Variants in KTN1 observed in about 807,000 individuals in gnomAD.
KTN1 encodes kinectin.
KTN1 carries 130 observed loss-of-function variants against 222.5 expected under a neutral mutation model. The ratio of observed to expected loss-of-function variants is 0.58; its 90% CI spans 0.51 to 0.68. The LOEUF is 0.68. Among genes scored for constraint, KTN1 ranks in the 30% least tolerant of loss-of-function variants. The pLI, the probability that KTN1 is intolerant of heterozygous loss-of-function variation, is 0.00. For missense variants in KTN1, 1,508 were observed against 1,500.4 expected (o/e 1.01, Z -0.08); for synonymous variants, 512 against 496.3 (o/e 1.03, Z -0.42).
intron 1 of KTN1, chr14:55,601,825 C>T (rs1289790743): frequency 6.6e-6 from 1 of 152,092 alleles, no homozygotes; most frequent in African/African-American, 2.4e-5. Context: ...AACCCTTTGC[C>T]TCCTGGGTTC....
In KTN1 at chr14:55,680,754, T is replaced by C. The variant is rs974024414; in HGVS notation, c.4069+1069T>C. 2.5e-4 allele frequency: 332 copies of C among 1,311,010 alleles called. 5 individuals carry two copies. Among genetic ancestry groups the C allele is most frequent in the Non-Finnish European group, 2.4e-5 (23 of 970,234 alleles). 81.2% of individuals were successfully genotyped at this position (1,311,010 alleles called of 1,614,324 possible). The stretch of plus-strand genomic sequence containing the variant: ...AATGCTAATTCAGGTCAGTTATCTC[T>C]AACATGACTTTCCATATAATAAGCC... On this transcript the variant is annotated intron_variant, in intron 43 of 43. Coordinates refer to ENST00000395314, the MANE Select transcript of KTN1 (RefSeq NM_001079521.2).
At chr14:55,603,564 A>G (rs191895781) in intron 1 of KTN1, among the ~76,000 whole-genome samples, 14 of 152,256 alleles carry the variant, frequency 9.2e-5, no homozygotes. Flanking sequence ...GTCTCCCTTG[A>G]GAGTTCTTCA....
rs574032931 is a variant in KTN1, at chr14:55,638,976, A to G, written c.1786-209A>G. ...CTTGTTTTATTCTAAATGTCTTGTG[A>G]TATGTAATTCGTGACTACTGGCTGT... On this transcript the variant is annotated intron_variant, in intron 12 of 43. Transcript: ENST00000395314. 9.9e-5 allele frequency among the ~76,000 whole-genome samples: 15 copies of G among 151,854 alleles called. No individual in the cohort carries two copies. In the East Asian group the frequency reaches 2.7e-3, roughly 27 times the overall value.
At chr14:55,647,830 G>A (rs2042541204) in intron 19 of KTN1, among the ~76,000 whole-genome samples, 195 bp from the exon 20 acceptor site, 1 of 151,388 alleles carries the variant, frequency 6.6e-6, no homozygotes, top group Non-Finnish European at 1.5e-5. Context: ...TGTAGTCCCA[G>A]CTACTCGGGA....
At chr14:55,643,019 C>A (rs551758607) in intron 18 of KTN1, among the ~76,000 whole-genome samples, 1 of 151,986 alleles carries the variant, frequency 6.6e-6, no homozygotes, top group African/African-American at 2.4e-5. Flanking sequence ...AAGCCATTCT[C>A]GTGCCTCAGT....
intron 33 of KTN1, among the ~76,000 whole-genome samples, chr14:55,665,285 C>T (rs553027243): frequency 1.3e-3 from 191 of 152,034 alleles, no homozygotes; most frequent in African/African-American, 4.4e-3. Context: ...TAAGAGCCAC[C>T]TTTTTGGTTT....
In KTN1 at chr14:55,673,022, A is replaced by G; in HGVS notation, c.3687+10A>G. 6.2e-7 allele frequency: 1 copy of G among 1,600,354 alleles called. No homozygotes were observed. On this transcript the variant is annotated intron_variant, in intron 39 of 43. Transcript: ENST00000395314. ...TACAGAAGTCAGAGAGGTACTTACA[A>G]CAGAATCTTTTCAAACTTGCTTCTC...
intron 1 of KTN1, among the ~76,000 whole-genome samples, chr14:55,611,364 AGTG>A (rs1171279918): frequency 2.0e-5 from 3 of 151,374 alleles, no homozygotes; most frequent in East Asian, 1.9e-4. Flanking sequence ...AGCCTCCTAA[AGTG>A]GTGGGATTCA....
At chr14:55,677,723 A>G (rs1049006448) in intron 41 of KTN1, among the ~76,000 whole-genome samples, 5 of 151,770 alleles carry the variant, frequency 3.3e-5, no homozygotes, top group African/African-American at 1.2e-4. Flanking sequence ...TTTGAGATGG[A>G]GTTTTGCTCT....
chr14:55,587,420 A>T (rs557944149), intron 1 of KTN1, among the ~76,000 whole-genome samples: 182 of 152,326 alleles, frequency 1.2e-3, no homozygotes, highest in African/African-American at 4.1e-3. Flanking sequence ...TGGAATCTGT[A>T]CATAAATAAT....
intron 29 of KTN1, among the ~76,000 whole-genome samples, chr14:55,657,153 A>G (rs2043568007): frequency 6.6e-6 from 1 of 152,218 alleles, no homozygotes; most frequent in African/African-American, 2.4e-5. Context: ...TTTGTTAGAC[A>G]ATGCTAGATA....
chr14:55,614,652 A>G (rs2140665133), intron 2 of KTN1, among the ~76,000 whole-genome samples: 1 of 152,354 alleles, frequency 6.6e-6, no homozygotes, highest in African/African-American at 2.4e-5. Context: ...GTACTCATAA[A>G]GTGTTTTTAT....
At chr14:55,654,867 AC>A (rs2141156766) in intron 28 of KTN1, among the ~76,000 whole-genome samples, 1 of 152,060 alleles carries the variant, frequency 6.6e-6, no homozygotes, top group African/African-American at 2.4e-5. Context: ...CCCTTCCTCC[AC>A]ATCCCGGCAG....
Position 55,684,110 on chromosome 14 carries a change from TGGGA to T in KTN1, c.*8_*11del. On this transcript the variant is annotated 3_prime_UTR_variant, in exon 44 of 44. Transcript: ENST00000395314. Reference sequence around the variant, plus strand: ...CTGATCTTTTACAGAGTGAAGTAATTGGGAAACTGTTCATTTGAGGATAAAAAAG... The same window carrying T: ...CTGATCTTTTACAGAGTGAAGTAATTAACTGTTCATTTGAGGATAAAAAAG... The T allele has an allele frequency of 6.2e-7, 1 of 1,601,956 alleles. No homozygotes were observed. The highest frequency in any genetic ancestry group is 1.3e-5 in the African/African-American group (1 of 74,586).
At chr14:55,675,946 G>A (rs1357278407) in intron 41 of KTN1, 28 bp downstream of exon 41, 16 of 1,480,902 alleles carry the variant, frequency 1.1e-5, no homozygotes, top group Non-Finnish European at 1.5e-5. Flanking sequence ...TAGAGATGTA[G>A]TATCATGAGC....
At chr14:55,637,704 A>G (rs948381537) in intron 11 of KTN1, 75 bp from the exon 12 acceptor site, 6 of 999,682 alleles carry the variant, frequency 6.0e-6, no homozygotes, top group South Asian at 3.1e-5. Context: ...AAATGTACCT[A>G]TAATACATTG....
chr14:55,586,108 CTAGT>C (rs1255112131), intron 1 of KTN1, among the ~76,000 whole-genome samples: 1 of 152,122 alleles, frequency 6.6e-6, no homozygotes, highest in African/African-American at 2.4e-5. Flanking sequence ...CTGGAAGTCA[CTAGT>C]TAGGAGACCT....
At chr14:55,598,493 G>A (rs1260087596) in intron 1 of KTN1, among the ~76,000 whole-genome samples, 1 of 142,108 alleles carries the variant, frequency 7.0e-6, no homozygotes, top group Non-Finnish European at 1.6e-5. Context: ...GTTGGAAAGA[G>A]GTACTGTTCA....
intron 42 of KTN1, chr14:55,679,020 A>G (rs2046138315): frequency 6.4e-6 from 1 of 155,270 alleles, no homozygotes; most frequent in Non-Finnish European, 1.4e-5. Flanking sequence ...TGGCTCTGCC[A>G]CTTAGTAGCC....
Sources: allele counts gnomAD v4.1 joint callset (sites outside exome capture counted in the v4.1 genomes callset), GRCh38; gene constraint gnomAD v4.1.1; transcripts MANE v1.5; gene names NCBI Gene and HGNC (gene_info 2026-07-23, HGNC 2026-07-21).